Variants in GOLGA7 observed in about 807,000 individuals in gnomAD.
GOLGA7 encodes the protein golgin A7, also known as golgin subfamily A member 7.
GOLGA7 carries 10 observed loss-of-function variants against 21.1 expected under a neutral mutation model. That is an observed-to-expected ratio of 0.47 (90% CI 0.29 to 0.80). GOLGA7 has a LOEUF of 0.80. Among genes scored for constraint, GOLGA7 ranks in the 30% least tolerant of loss-of-function variants. GOLGA7 has a pLI of 0.08. For missense variants in GOLGA7, 114 were observed against 166.8 expected (o/e 0.68, Z 1.74); for synonymous variants, 64 against 62.6 (o/e 1.02, Z -0.10).
Position 41,503,791 on chromosome 8 carries a change from T to C in GOLGA7, c.265-2120T>C, listed in dbSNP as rs1806208209. Among the ~76,000 whole-genome samples the C allele has an allele frequency of 2.8e-5, 4 of 142,616 alleles. No individual in the cohort carries two copies. The South Asian group carries it at 9.1e-4, about 32-fold the overall frequency. The allele number at this position is 142,616 out of a possible 152,430, so 93.6% of individuals were successfully genotyped here. The stretch of plus-strand genomic sequence containing the variant: ...ATCTATATCTCTGTTTTGGTACCAG[T>C]ACCATGCTGTTTTGGTTACTGTAGC... On this transcript the variant is annotated intron_variant, in intron 2 of 4. Coordinates refer to ENST00000357743, the MANE Select transcript of GOLGA7 (RefSeq NM_001002296.2).
intron 1 of GOLGA7, among the ~76,000 whole-genome samples, chr8:41,491,606 C>T (rs897240377): frequency 1.3e-5 from 2 of 151,686 alleles, no homozygotes; most frequent in Non-Finnish European, 2.9e-5. Flanking sequence ...GGATATAGGT[C>T]CTTTGGGCAA....
chr8:41,495,963 C>T (rs2150439345), intron 1 of GOLGA7, among the ~76,000 whole-genome samples: 1 of 152,214 alleles, frequency 6.6e-6, no homozygotes, highest in Admixed American at 6.5e-5. Flanking sequence ...CAGGTTCTTT[C>T]TTATGTGAAA....
intron 1 of GOLGA7, among the ~76,000 whole-genome samples, chr8:41,494,844 G>C (rs997665581): frequency 1.1e-4 from 17 of 152,000 alleles, no homozygotes; most frequent in African/African-American, 3.9e-4. Flanking sequence ...TCCACACAAC[G>C]GACAAAACAA....
At chr8:41,497,728 G>A in intron 2 of GOLGA7, 67 bp downstream of exon 2, 1 of 783,486 alleles carries the variant, frequency 1.3e-6, no homozygotes, top group South Asian at 1.6e-5. Flanking sequence ...ATTACACATT[G>A]ATGCTTACAT....
chr8:41,500,630 G>C (rs1021847812), intron 2 of GOLGA7, among the ~76,000 whole-genome samples: 2 of 152,196 alleles, frequency 1.3e-5, no homozygotes, highest in Admixed American at 6.5e-5. Flanking sequence ...GGGTCTCACT[G>C]TGTTGTCCAC....
At chr8:41,500,897 T>A (rs1024346236) in intron 2 of GOLGA7, among the ~76,000 whole-genome samples, 7 of 152,160 alleles carry the variant, frequency 4.6e-5, no homozygotes, top group African/African-American at 1.7e-4. Flanking sequence ...AAGGGATATG[T>A]TGATAGTTGG....
At chr8:41,494,043 G>C (rs1805948473) in intron 1 of GOLGA7, among the ~76,000 whole-genome samples, 1 of 152,000 alleles carries the variant, frequency 6.6e-6, no homozygotes, top group Admixed American at 6.6e-5. Flanking sequence ...TCAAAAACTT[G>C]TTGGCATTTA....
chr8:41,500,413 G>T (rs1806121703), intron 2 of GOLGA7, among the ~76,000 whole-genome samples: 1 of 152,190 alleles, frequency 6.6e-6, no homozygotes, highest in Non-Finnish European at 1.5e-5. Context: ...CTTGGGAACT[G>T]AGAGAAGGTG....
intron 2 of GOLGA7, 99 bp from the exon 3 acceptor site, chr8:41,505,812 C>A: frequency 1.6e-6 from 1 of 614,044 alleles, no homozygotes; most frequent in Non-Finnish European, 2.9e-6. Flanking sequence ...TGTGACTTGC[C>A]TTGAAAACGA....
At chr8:41,497,012 A>G (rs576077028) in intron 1 of GOLGA7, among the ~76,000 whole-genome samples, 46 of 151,470 alleles carry the variant, frequency 3.0e-4, no homozygotes, top group African/African-American at 9.9e-4. Flanking sequence ...GGGTTTCACC[A>G]TGTTAGCCAG....
At chr8:41,501,178 G>A (rs2150443320) in intron 2 of GOLGA7, among the ~76,000 whole-genome samples, 1 of 152,286 alleles carries the variant, frequency 6.6e-6, no homozygotes, top group South Asian at 2.1e-4. Flanking sequence ...GTGCTAGTCA[G>A]TTTATACTAA....
chr8:41,491,459 G>A (rs573882675), intron 1 of GOLGA7, among the ~76,000 whole-genome samples: 1 of 152,158 alleles, frequency 6.6e-6, no homozygotes, highest in Non-Finnish European at 1.5e-5. Context: ...CAGGCGGTGC[G>A]TTCAGGCTTT....
In GOLGA7 at chr8:41,507,771, C is replaced by T. The variant is rs945842770; in HGVS notation, c.*15+650C>T. Among the ~76,000 whole-genome samples the T allele has an allele frequency of 3.9e-5, 6 of 152,286 alleles. No individual in the cohort carries two copies. The East Asian group carries it at 1.2e-3, about 29-fold the overall frequency. On this transcript the variant is annotated intron_variant, in intron 4 of 4. Transcript: ENST00000357743. ...TACTTTAGCATAGCCTTCTAAGTGA[C>T]AGGAAGTAGCACTTCACTATTTCTG...
chr8:41,501,786 C>T (rs1189500587), intron 2 of GOLGA7, among the ~76,000 whole-genome samples: 1 of 152,214 alleles, frequency 6.6e-6, no homozygotes, highest in Non-Finnish European at 1.5e-5. Context: ...TATAAGTAAT[C>T]TTTTAGCCAG....
chr8:41,502,462 T>C (rs1215858660), intron 2 of GOLGA7: 1 of 152,236 alleles, frequency 6.6e-6, no homozygotes, highest in East Asian at 1.9e-4. Flanking sequence ...CCCTATAATG[T>C]GCTATTTATT....
chr8:41,503,073 A>G (rs1242667415), intron 2 of GOLGA7, among the ~76,000 whole-genome samples: 3 of 152,116 alleles, frequency 2.0e-5, no homozygotes, highest in Non-Finnish European at 2.9e-5. Context: ...ACTAAGTTTT[A>G]AAGCATCTTG....
intron 4 of GOLGA7, among the ~76,000 whole-genome samples, chr8:41,507,668 A>G (rs984375236): frequency 6.6e-6 from 1 of 152,226 alleles, no homozygotes; most frequent in Non-Finnish European, 1.5e-5. Context: ...TTAAATATCC[A>G]GATGCTGCCC....
chr8:41,497,667 G>A lies in GOLGA7; in HGVS notation c.264+6G>A. Reference sequence around the variant, plus strand: ...TGGAAACTCATTATGAGAAGGTAATGCTACATTTGTTTTCACAAAAATCTC... The same window carrying A: ...TGGAAACTCATTATGAGAAGGTAATACTACATTTGTTTTCACAAAAATCTC... On this transcript the variant is annotated splice_donor_region_variant and intron_variant, in intron 2 of 4. Transcript: ENST00000357743. 1 of 1,475,336 alleles carries A rather than the reference G, an allele frequency of 6.8e-7. No homozygotes were observed. Among genetic ancestry groups the A allele is most frequent in the Non-Finnish European group, 9.4e-7 (1 of 1,069,020 alleles). 91.4% of individuals were successfully genotyped at this position (1,475,336 alleles called of 1,614,324 possible). A position where few individuals can be genotyped will look rare whatever the true frequency, so the allele number is the denominator to read the frequency against.
intron 1 of GOLGA7, among the ~76,000 whole-genome samples, chr8:41,492,372 T>G (rs1249709761): frequency 1.3e-5 from 2 of 152,236 alleles, no homozygotes; most frequent in Non-Finnish European, 2.9e-5. Flanking sequence ...AAGATTGACA[T>G]GGAATCTGGC....
Sources: gnomAD v4.1 joint callset for allele counts (sites outside exome capture counted in the v4.1 genomes callset) on GRCh38, gnomAD v4.1.1 for gene constraint, MANE v1.5 for transcripts, NCBI Gene and HGNC (gene_info 2026-07-23, HGNC 2026-07-21) for gene names.